The following ZCCHC7 variants were observed in gnomAD, a reference collection of about 807,000 sequenced individuals.
ZCCHC7 encodes zinc finger CCHC domain-containing protein 7.
ZCCHC7 carries 35 observed loss-of-function variants against 52.0 expected under a neutral mutation model. The ratio of observed to expected loss-of-function variants is 0.67; its 90% confidence interval spans 0.51 to 0.89. ZCCHC7 has a LOEUF of 0.89. ZCCHC7 is among the 40% of genes least tolerant of loss of function. The pLI is 0.00. For synonymous variants in ZCCHC7, 217 were observed against 221.5 expected (o/e 0.98, Z 0.18); for missense variants, 574 against 649.1 (o/e 0.88, Z 1.26).
intron 2 of ZCCHC7, among the ~76,000 whole-genome samples, chr9:37,216,051 C>CA (rs1416780148): frequency 6.6e-6 from 1 of 152,162 alleles, no homozygotes; most frequent in Admixed American, 6.5e-5. Flanking sequence ...ACACAACTAA[C>CA]AAAGTAGTGA....
chr9:37,175,634 A>C (rs1177799651), intron 2 of ZCCHC7, among the ~76,000 whole-genome samples: 1 of 152,116 alleles, frequency 6.6e-6, no homozygotes, highest in Non-Finnish European at 1.5e-5. Flanking sequence ...CTACTCAAGG[A>C]GGCTGAGGCA....
intron 1 of ZCCHC7, among the ~76,000 whole-genome samples, chr9:37,124,527 A>G (rs996207295): frequency 6.6e-6 from 1 of 152,158 alleles, no homozygotes; most frequent in African/African-American, 2.4e-5. Context: ...AGCAGAGTGC[A>G]TATAGTTCCT....
chr9:37,315,174 G>GTA lies in ZCCHC7; in HGVS notation c.951+9469_951+9470dup, dbSNP rs1335811062. The stretch of plus-strand genomic sequence containing the variant: ...AATCTACATGTATATGCTTGTGTGT[G>GTA]TATATATATACATATATAAACAATG... On this transcript the variant is annotated intron_variant, in intron 5 of 8. Coordinates refer to ENST00000336755, the MANE Select transcript of ZCCHC7 (RefSeq NM_032226.3). Among the ~76,000 whole-genome samples, 951 of 151,656 alleles carry GTA rather than the reference G, an allele frequency of 6.3e-3. 4 individuals are homozygous for GTA. The highest frequency in any genetic ancestry group is 0.022 in the African/African-American group (890 of 41,366).
At chr9:37,305,854 C>A in intron 5 of ZCCHC7, 140 bp downstream of exon 5, 1 of 806,374 alleles carries the variant, frequency 1.2e-6, no homozygotes, top group Non-Finnish European at 1.8e-6. Flanking sequence ...TATATATAGT[C>A]ATGTCCATTT....
chr9:37,346,138 G>T (rs1432316775), intron 6 of ZCCHC7, among the ~76,000 whole-genome samples: 1 of 152,080 alleles, frequency 6.6e-6, no homozygotes, highest in Non-Finnish European at 1.5e-5. Flanking sequence ...GAGTAGCTGG[G>T]ATTACAGGCA....
intron 2 of ZCCHC7, among the ~76,000 whole-genome samples, chr9:37,194,726 A>G (rs7036446): frequency 0.051 from 7,721 of 152,278 alleles, 642 homozygotes; most frequent in African/African-American, 0.17. Flanking sequence ...TGTAAATCCT[A>G]TAAATCCACA....
At position 37,357,380 on chromosome 9, in the gene ZCCHC7, TG is replaced by T. The variant is rs1341764583; in HGVS notation, c.*113del. ...ATTAAATAAAGTGAGTTTTTGGTTT[TG>T]TTTTTTTAATTTCAGCCATTCCTAG... is the stretch of plus-strand genomic sequence containing the variant. On this transcript the variant is annotated 3_prime_UTR_variant, in exon 9 of 9. Coordinates refer to ENST00000336755, the MANE Select transcript of ZCCHC7 (RefSeq NM_032226.3). The T allele has an allele frequency of 5.7e-5, 63 of 1,106,398 alleles. No homozygotes were observed. Among genetic ancestry groups the T allele is most frequent in the Admixed American group, 3.0e-4 (10 of 32,956 alleles). 68.5% of individuals were successfully genotyped at this position (1,106,398 alleles called of 1,614,324 possible). A position where few individuals can be genotyped will look rare whatever the true frequency, so the allele number is the denominator to read the frequency against.
intron 2 of ZCCHC7, among the ~76,000 whole-genome samples, chr9:37,216,817 TGTA>T (rs1824531697): frequency 6.6e-6 from 1 of 152,234 alleles, no homozygotes; most frequent in South Asian, 2.1e-4. Context: ...TAATTTTAAT[TGTA>T]GTATGCATTT....
At chr9:37,224,240 A>G (rs1452134613) in intron 2 of ZCCHC7, among the ~76,000 whole-genome samples, 1 of 152,168 alleles carries the variant, frequency 6.6e-6, no homozygotes, top group Non-Finnish European at 1.5e-5. Flanking sequence ...TCAATGAAAA[A>G]TTATCCAAAG....
At chr9:37,223,693 G>C (rs1824944580) in intron 2 of ZCCHC7, among the ~76,000 whole-genome samples, 1 of 152,044 alleles carries the variant, frequency 6.6e-6, no homozygotes, top group Non-Finnish European at 1.5e-5. Flanking sequence ...AAAAAATAAT[G>C]TCACGTTTCA....
intron 2 of ZCCHC7, among the ~76,000 whole-genome samples, chr9:37,232,657 T>C (rs1342389588): frequency 6.6e-6 from 1 of 152,234 alleles, no homozygotes; most frequent in Non-Finnish European, 1.5e-5. Context: ...CAAATTTCAC[T>C]GTCTGTAAAT....
At chr9:37,193,669 C>A (rs1330170054) in intron 2 of ZCCHC7, among the ~76,000 whole-genome samples, 1 of 151,842 alleles carries the variant, frequency 6.6e-6, no homozygotes, top group Non-Finnish European at 1.5e-5. Context: ...GTTGGATTTT[C>A]TGCTGTTTCA....
intron 6 of ZCCHC7, among the ~76,000 whole-genome samples, chr9:37,338,309 A>C (rs565230076): frequency 6.6e-6 from 1 of 152,282 alleles, no homozygotes; most frequent in Non-Finnish European, 1.5e-5. Flanking sequence ...TAATGTTGTG[A>C]ATATATAACC....
At chr9:37,349,329 C>T in intron 6 of ZCCHC7, 28 bp from the exon 7 acceptor site, 1 of 1,607,022 alleles carries the variant, frequency 6.2e-7, no homozygotes, top group East Asian at 2.2e-5. Context: ...CTAACATCAA[C>T]AAACCCTCAC....
intron 2 of ZCCHC7, among the ~76,000 whole-genome samples, chr9:37,237,027 A>G (rs1324214712): frequency 2.0e-5 from 3 of 152,160 alleles, no homozygotes; most frequent in Admixed American, 1.3e-4. Context: ...AGTTCCTTCT[A>G]CGCTAGCTTG....
At chr9:37,181,592 C>T (rs1438563401) in intron 2 of ZCCHC7, among the ~76,000 whole-genome samples, 1 of 152,046 alleles carries the variant, frequency 6.6e-6, no homozygotes, top group Non-Finnish European at 1.5e-5. Context: ...TTTGAAAACA[C>T]GTTAGTGAAA....
intron 2 of ZCCHC7, among the ~76,000 whole-genome samples, chr9:37,278,162 T>C (rs1827782431): frequency 6.6e-6 from 1 of 151,956 alleles, no homozygotes; most frequent in African/African-American, 2.4e-5. Flanking sequence ...TAGACTCTGG[T>C]GGTCCTTTCA....
At chr9:37,189,969 A>C (rs1023334260) in intron 2 of ZCCHC7, among the ~76,000 whole-genome samples, 2 of 152,076 alleles carry the variant, frequency 1.3e-5, no homozygotes, top group Non-Finnish European at 2.9e-5. Context: ...CCACTTTCCT[A>C]TGCTTCTCCT....
intron 2 of ZCCHC7, among the ~76,000 whole-genome samples, chr9:37,244,122 C>A (rs1393532823): frequency 6.6e-6 from 1 of 151,690 alleles, no homozygotes; most frequent in Non-Finnish European, 1.5e-5. Context: ...GCTCGACTTA[C>A]AAACTTACTC....
Sources: allele counts gnomAD v4.1 joint callset (sites outside exome capture counted in the v4.1 genomes callset), GRCh38; gene constraint gnomAD v4.1.1; transcripts MANE v1.5; gene names NCBI Gene and HGNC (gene_info 2026-07-23, HGNC 2026-07-21).